DCAF6: variants seen among roughly 807,000 people sequenced by gnomAD.
The protein encoded by DCAF6 is DDB1- and CUL4-associated factor 6.
In DCAF6, 54 loss-of-function variants were observed where a neutral mutation model predicts 125.1. That is an observed-to-expected ratio of 0.43 (90% CI 0.35 to 0.54). The LOEUF is 0.54. Among genes scored for constraint, DCAF6 ranks in the 20% least tolerant of loss-of-function variants. The pLI, the probability that DCAF6 is intolerant of heterozygous loss-of-function variation, is 0.01. For synonymous variants in DCAF6, 371 were observed against 390.4 expected (o/e 0.95, Z 0.58); for missense variants, 934 against 1,161.7 (o/e 0.80, Z 2.85).
intron 10 of DCAF6, among the ~76,000 whole-genome samples, chr1:168,007,962 CTTTTTTTTTTTT>C (rs35185748): frequency 2.7e-4 from 18 of 67,480 alleles, no homozygotes; most frequent in East Asian, 5.4e-4. Context: ...TGTTGTACAT[CTTTTTTTTTTTT>C]TTTTTTTTTT....
At chr1:167,949,932 T>A (rs1673662600) in intron 1 of DCAF6, among the ~76,000 whole-genome samples, 1 of 152,232 alleles carries the variant, frequency 6.6e-6, no homozygotes, top group South Asian at 2.1e-4. Context: ...GCACACTTTA[T>A]GAGATGTCTG....
chr1:167,936,868 C>T lies in DCAF6; in HGVS notation c.-44C>T, dbSNP rs1204859309. On this transcript the variant is annotated 5_prime_UTR_variant, in exon 1 of 22. Coordinates refer to ENST00000367840, the MANE Select transcript of DCAF6 (RefSeq NM_001198956.2). ...GGGTGTCCCCTCCCCCTCCTCCCCTCCCCCACGCGGTGGTCTCCCCTCCCA... is the reference window on the plus strand; with the variant it reads ...GGGTGTCCCCTCCCCCTCCTCCCCTTCCCCACGCGGTGGTCTCCCCTCCCA... The T allele has an allele frequency of 2.4e-6, 3 of 1,262,238 alleles. No individual in the cohort carries two copies. The highest frequency in any genetic ancestry group is 5.0e-5 in the East Asian group (2 of 40,114). The allele number at this position is 1,262,238 out of a possible 1,614,324, so 78.2% of individuals were successfully genotyped here.
chr1:168,024,863 A>G (rs1290927934), intron 12 of DCAF6, among the ~76,000 whole-genome samples: 1 of 152,044 alleles, frequency 6.6e-6, no homozygotes. Flanking sequence ...CTGATCTTAA[A>G]TTACTCCTTA....
intron 4 of DCAF6, among the ~76,000 whole-genome samples, chr1:167,982,180 T>C (rs1458778870): frequency 4.6e-5 from 7 of 152,210 alleles, no homozygotes; most frequent in Non-Finnish European, 1.0e-4. Flanking sequence ...TTTGGCGAAG[T>C]GTCTGTTCAT....
chr1:167,947,813 C>T (rs1673300945), intron 1 of DCAF6, among the ~76,000 whole-genome samples: 1 of 152,142 alleles, frequency 6.6e-6, no homozygotes, highest in African/African-American at 2.4e-5. Flanking sequence ...GAGAATGTTC[C>T]ATATGCTGAT....
At chr1:168,021,498 A>G (rs1319853386) in intron 11 of DCAF6, among the ~76,000 whole-genome samples, 3 of 152,206 alleles carry the variant, frequency 2.0e-5, no homozygotes, top group African/African-American at 7.2e-5. Context: ...GATAAATGAG[A>G]AGGCATCTTA....
At chr1:167,929,307 C>T in the DCAF6 span, among the ~76,000 whole-genome samples, 1 of 151,518 alleles carries the variant, frequency 6.6e-6, no homozygotes, top group Non-Finnish European at 1.5e-5. Flanking sequence ...TGCAGTGAGC[C>T]GAGATTGCAC....
intron 1 of DCAF6, among the ~76,000 whole-genome samples, chr1:167,948,678 G>A (rs765366190): frequency 1.3e-5 from 2 of 152,066 alleles, no homozygotes; most frequent in Admixed American, 1.3e-4. Context: ...TTGAGGTGGA[G>A]TCTCACTCTG....
chr1:167,945,420 T>C (rs1164018593), intron 1 of DCAF6, among the ~76,000 whole-genome samples: 2 of 152,308 alleles, frequency 1.3e-5, no homozygotes, highest in Non-Finnish European at 2.9e-5. Flanking sequence ...GTTCTCCTTG[T>C]AGGGATTTTA....
intron 13 of DCAF6, among the ~76,000 whole-genome samples, chr1:168,041,930 ACAC>A (rs1405206964): frequency 6.6e-6 from 1 of 150,860 alleles, no homozygotes; most frequent in Non-Finnish European, 1.5e-5. Context: ...ACACACACAC[ACAC>A]AAATTCAGTA....
intron 12 of DCAF6, among the ~76,000 whole-genome samples, chr1:168,029,979 CAAA>C (rs34555735): frequency 2.5e-5 from 3 of 121,758 alleles, no homozygotes; most frequent in Non-Finnish European, 1.8e-5. Flanking sequence ...GACTCCGTCT[CAAA>C]AAAAAAAAAA....
chr1:167,872,079 C>T, the DCAF6 span, among the ~76,000 whole-genome samples: 1 of 152,096 alleles, frequency 6.6e-6, no homozygotes, highest in Non-Finnish European at 1.5e-5. Flanking sequence ...CGGTGGCTCA[C>T]GCCTGTAATC....
In DCAF6 at chr1:168,004,004, T is replaced by G; in HGVS notation, c.1117+15T>G. ...TCGACCCAGAGGTAATTTTTAATGT[T>G]AATTAAAGTCATCAGAAAGCTGGCA... On this transcript the variant is annotated intron_variant, in intron 9 of 21. Coordinates refer to ENST00000367840, the MANE Select transcript of DCAF6 (RefSeq NM_001198956.2). 2 of 1,605,942 alleles carry G rather than the reference T, an allele frequency of 1.2e-6. No homozygotes were observed. Among genetic ancestry groups the G allele is most frequent in the Non-Finnish European group, 1.7e-6 (2 of 1,176,402 alleles).
At chr1:167,914,719 G>A in the DCAF6 span, among the ~76,000 whole-genome samples, 1 of 152,164 alleles carries the variant, frequency 6.6e-6, no homozygotes, top group African/African-American at 2.4e-5. Flanking sequence ...TAAATCATGT[G>A]TTGATTTTCT....
intron 17 of DCAF6, among the ~76,000 whole-genome samples, chr1:168,059,398 C>T (rs1691303106): frequency 6.6e-6 from 1 of 152,182 alleles, no homozygotes; most frequent in South Asian, 2.1e-4. Context: ...CAGTATCATA[C>T]TTTTGTAATT....
chr1:168,032,750 A>ATAGT (rs1687267136), intron 12 of DCAF6, among the ~76,000 whole-genome samples: 1 of 152,226 alleles, frequency 6.6e-6, no homozygotes, highest in Non-Finnish European at 1.5e-5. Flanking sequence ...TCTAACTACT[A>ATAGT]TAGTTAATTA....
chr1:168,039,218 T>G (rs915507444), intron 13 of DCAF6, among the ~76,000 whole-genome samples: 1 of 152,072 alleles, frequency 6.6e-6, no homozygotes, highest in Non-Finnish European at 1.5e-5. Flanking sequence ...AAAAGAATCT[T>G]TACTTACTAT....
At chr1:167,894,410 C>A in the DCAF6 span, among the ~76,000 whole-genome samples, 1 of 152,030 alleles carries the variant, frequency 6.6e-6, no homozygotes, top group Non-Finnish European at 1.5e-5. Flanking sequence ...CACTTTGCTG[C>A]CCTGGTTGCC....
chr1:168,057,560 C>A (rs1010470638), intron 17 of DCAF6, among the ~76,000 whole-genome samples: 1 of 152,100 alleles, frequency 6.6e-6, no homozygotes, highest in Admixed American at 6.5e-5. Flanking sequence ...GCTGGATAAT[C>A]AATTTTTTAC....
Sources: gnomAD v4.1 joint callset for allele counts (sites outside exome capture counted in the v4.1 genomes callset) on GRCh38, gnomAD v4.1.1 for gene constraint, MANE v1.5 for transcripts, NCBI Gene and HGNC (gene_info 2026-07-23, HGNC 2026-07-21) for gene names.